The following DIS3L2 variants were observed in gnomAD, a reference collection of about 807,000 sequenced individuals.
DIS3L2 encodes the protein DIS3-like exonuclease 2.
A neutral mutation model predicts 97.5 loss-of-function variants in DIS3L2; 34 were observed. That is an observed-to-expected ratio of 0.35 (90% CI 0.27 to 0.46). DIS3L2 has a LOEUF of 0.46. Ranked by LOEUF, DIS3L2 falls within the 20% of genes least tolerant of loss-of-function variation. The pLI is 1.00. For missense variants in DIS3L2, 1,038 were observed against 1,146.0 expected (o/e 0.91, Z 1.36); for synonymous variants, 435 against 445.2 (o/e 0.98, Z 0.29).
intron 13 of DIS3L2, chr2:232,342,986 T>G: frequency 5.5e-6 from 1 of 180,628 alleles, no homozygotes; most frequent in Non-Finnish European, 1.2e-5. Flanking sequence ...CTGATAGGAG[T>G]CAGAGTGGGG....
rs1694516194 is a variant in DIS3L2, at chr2:232,288,736, A to C, written c.1660-11304A>C. 2.0e-5 allele frequency among the ~76,000 whole-genome samples: 3 copies of C among 152,282 alleles called. No individual in the cohort carries two copies. In the South Asian group the frequency reaches 6.2e-4, roughly 32 times the overall value. On this transcript the variant is annotated intron_variant, in intron 13 of 20. Coordinates refer to ENST00000325385, the MANE Select transcript of DIS3L2 (RefSeq NM_152383.5). ...TGTCCCGTTTTCTTTTTTTTCCATG[A>C]ACTGAATGCCTACCATTATGGTCAT... is the stretch of plus-strand genomic sequence containing the variant.
At chr2:232,248,000 C>T (rs1574970651) in intron 11 of DIS3L2, among the ~76,000 whole-genome samples, 1 of 152,136 alleles carries the variant, frequency 6.6e-6, no homozygotes, top group Non-Finnish European at 1.5e-5. Flanking sequence ...AAGTTTCATA[C>T]AGATGTTAAA....
At chr2:232,299,394 G>A (rs1356903330) in intron 13 of DIS3L2, among the ~76,000 whole-genome samples, 2 of 152,162 alleles carry the variant, frequency 1.3e-5, no homozygotes, top group African/African-American at 4.8e-5. Flanking sequence ...AAATTCCAGT[G>A]TGGCCAAGAA....
chr2:232,026,725 A>T (rs1039903336), intron 4 of DIS3L2, among the ~76,000 whole-genome samples: 1 of 152,152 alleles, frequency 6.6e-6, no homozygotes, highest in Non-Finnish European at 1.5e-5. Context: ...CAAGTAATTT[A>T]CATCTGCAAA....
At chr2:232,057,571 T>C (rs1695579937) in intron 5 of DIS3L2, among the ~76,000 whole-genome samples, 1 of 152,104 alleles carries the variant, frequency 6.6e-6, no homozygotes, top group Non-Finnish European at 1.5e-5. Context: ...CCAGGAGTTT[T>C]ATAGCTCCAA....
chr2:231,976,147 A>G (rs1200113724), intron 1 of DIS3L2, among the ~76,000 whole-genome samples: 1 of 152,200 alleles, frequency 6.6e-6, no homozygotes, highest in Non-Finnish European at 1.5e-5. Flanking sequence ...TGAATTGCAT[A>G]GTGGCGAAGT....
At chr2:232,093,687 TATCC>T (rs1696916725) in intron 6 of DIS3L2, among the ~76,000 whole-genome samples, 1 of 152,170 alleles carries the variant, frequency 6.6e-6, no homozygotes, top group Non-Finnish European at 1.5e-5. Flanking sequence ...TTTCTCATAA[TATCC>T]ACTAATGATC....
At chr2:232,219,668 G>A (rs371839082) in intron 10 of DIS3L2, among the ~76,000 whole-genome samples, 2 of 151,994 alleles carry the variant, frequency 1.3e-5, no homozygotes, top group Non-Finnish European at 2.9e-5. Context: ...ATTGGCCCAC[G>A]TGAGGCTCAC....
In DIS3L2 at chr2:232,037,589, A is replaced by G. The variant is rs1303080867; in HGVS notation, c.366+7509A>G. ...CCAGGAGTCACTGGGGTACGAAAAAAAACTCCTGCAGCTAGCTCGGTGTCT... is the reference window on the plus strand; with the variant it reads ...CCAGGAGTCACTGGGGTACGAAAAAGAACTCCTGCAGCTAGCTCGGTGTCT... On this transcript the variant is annotated intron_variant, in intron 5 of 20. Transcript: ENST00000325385. The surrounding 1 kb of genome is among the most constrained non-coding windows in gnomAD (Gnocchi z 4.6). Among the ~76,000 whole-genome samples, 2 of 152,112 alleles carry G rather than the reference A, an allele frequency of 1.3e-5. No homozygotes were observed. Among genetic ancestry groups the G allele is most frequent in the East Asian group, 3.8e-4 (2 of 5,198 alleles).
chr2:232,173,798 A>G (rs561791373), intron 9 of DIS3L2, among the ~76,000 whole-genome samples: 2 of 152,292 alleles, frequency 1.3e-5, no homozygotes, highest in Admixed American at 6.5e-5. Context: ...ATTGATCTGT[A>G]TATTTGTCTT....
intron 13 of DIS3L2, among the ~76,000 whole-genome samples, chr2:232,279,731 A>G (rs1456443849): frequency 7.9e-5 from 12 of 152,066 alleles, no homozygotes; most frequent in East Asian, 1.9e-4. Flanking sequence ...AGGTTTCACT[A>G]TGTTGGCCAG....
At chr2:231,972,496 T>G (rs1357931755) in intron 1 of DIS3L2, among the ~76,000 whole-genome samples, 1 of 152,234 alleles carries the variant, frequency 6.6e-6, no homozygotes, top group Non-Finnish European at 1.5e-5. Flanking sequence ...TATATGTCTG[T>G]CATTGACTGA....
chr2:232,237,249 C>G (rs1444972163), intron 10 of DIS3L2, among the ~76,000 whole-genome samples: 1 of 151,994 alleles, frequency 6.6e-6, no homozygotes, highest in African/African-American at 2.4e-5. Flanking sequence ...ACCTAACTAC[C>G]CTCCCTCATT....
At chr2:232,243,751 G>T (rs1693171022) in intron 11 of DIS3L2, among the ~76,000 whole-genome samples, 1 of 152,206 alleles carries the variant, frequency 6.6e-6, no homozygotes, top group South Asian at 2.1e-4. Flanking sequence ...GCAAAGGGCA[G>T]GGAAAATGGA....
At chr2:231,973,556 A>G (rs564902743) in intron 1 of DIS3L2, among the ~76,000 whole-genome samples, 2 of 152,322 alleles carry the variant, frequency 1.3e-5, no homozygotes, top group South Asian at 2.1e-4. Flanking sequence ...TTACATTAAA[A>G]TATAATTTTA....
In DIS3L2 at chr2:232,080,551, T is replaced by C. The variant is rs573677991; in HGVS notation, c.367-6936T>C. 2.6e-5 allele frequency among the ~76,000 whole-genome samples: 4 copies of C among 152,262 alleles called. No individual in the cohort carries two copies. The East Asian group carries it at 7.7e-4, about 29-fold the overall frequency. ...TTAATGATATTCATTGTCTAATCACTATTTACATTTCTCAGATTTTTGTCT... is the reference window on the plus strand; with the variant it reads ...TTAATGATATTCATTGTCTAATCACCATTTACATTTCTCAGATTTTTGTCT... On this transcript the variant is annotated intron_variant, in intron 5 of 20. Transcript: ENST00000325385.
chr2:232,055,195 A>G (rs1695513232), intron 5 of DIS3L2, among the ~76,000 whole-genome samples: 1 of 152,234 alleles, frequency 6.6e-6, no homozygotes, highest in Non-Finnish European at 1.5e-5. Context: ...GAGGATGCTC[A>G]CTATCATTAC....
chr2:232,107,285 A>T (rs1697381801), intron 6 of DIS3L2, among the ~76,000 whole-genome samples: 1 of 152,224 alleles, frequency 6.6e-6, no homozygotes, highest in Non-Finnish European at 1.5e-5. Context: ...CAGAGGCATG[A>T]AAAACCCTTC....
At chr2:232,242,508 A>G (rs1319684654) in intron 11 of DIS3L2, among the ~76,000 whole-genome samples, 1 of 152,128 alleles carries the variant, frequency 6.6e-6, no homozygotes, top group Non-Finnish European at 1.5e-5. Flanking sequence ...TCCTTGCCTG[A>G]ATGATTGATT....
Sources: allele counts gnomAD v4.1 joint callset (sites outside exome capture counted in the v4.1 genomes callset), GRCh38; gene constraint gnomAD v4.1.1; non-coding constraint Gnocchi (gnomAD v3.1); transcripts MANE v1.5; gene names NCBI Gene and HGNC (gene_info 2026-07-23, HGNC 2026-07-21).